Variants in ASAP1 observed in about 807,000 individuals in gnomAD.
ASAP1 encodes the protein arf-GAP with SH3 domain, ANK repeat and PH domain-containing protein 1.
Under a neutral mutation model 145.2 loss-of-function variants are expected in ASAP1, and 43 were observed. The observed-to-expected ratio is 0.30, with a 90% confidence interval of 0.23 to 0.38. The LOEUF (loss-of-function observed/expected upper bound fraction) is 0.38. Among genes scored for constraint, ASAP1 ranks in the 10% least tolerant of loss-of-function variants. The probability of loss-of-function intolerance (pLI) is 1.00; values close to 1 mark genes in which losing one functional copy is unlikely to be tolerated. For missense variants in ASAP1, 1,018 were observed against 1,355.3 expected (o/e 0.75, Z 3.91); for synonymous variants, 546 against 515.5 (o/e 1.06, Z -0.80).
chr8:130,391,006 T>C (rs2138481397), intron 2 of ASAP1, among the ~76,000 whole-genome samples: 1 of 148,748 alleles, frequency 6.7e-6, no homozygotes, highest in Middle Eastern at 3.5e-3. Context: ...GCATAATTCA[T>C]AACAACCAAA....
At chr8:130,259,980 A>C (rs1353455104) in intron 3 of ASAP1, among the ~76,000 whole-genome samples, 1 of 152,198 alleles carries the variant, frequency 6.6e-6, no homozygotes, top group Non-Finnish European at 1.5e-5. Flanking sequence ...TCTCTTCCAA[A>C]AACTTTAGGG....
intron 26 of ASAP1, 127 bp downstream of exon 26, chr8:130,079,775 T>C (rs1486423797): frequency 2.0e-5 from 18 of 883,130 alleles, no homozygotes; most frequent in Non-Finnish European, 5.5e-6. Flanking sequence ...TTTCTTGTTG[T>C]GGCCTGCCCC....
chr8:130,384,525 C>G (rs548507493), intron 2 of ASAP1, among the ~76,000 whole-genome samples: 1 of 152,302 alleles, frequency 6.6e-6, no homozygotes, highest in East Asian at 1.9e-4. Flanking sequence ...GTCTCCCAAG[C>G]TGGAGTGCAA....
At chr8:130,242,261 TAAAAAAAAAA>T (rs571916495) in intron 3 of ASAP1, among the ~76,000 whole-genome samples, 2 of 85,336 alleles carry the variant, frequency 2.3e-5, no homozygotes, top group African/African-American at 4.8e-5. Flanking sequence ...GTGATTTCCT[TAAAAAAAAAA>T]AAAAAAAAAA....
At chr8:130,383,613 C>T (rs1412983027) in intron 2 of ASAP1, among the ~76,000 whole-genome samples, 1 of 152,156 alleles carries the variant, frequency 6.6e-6, no homozygotes, top group East Asian at 1.9e-4. Flanking sequence ...AAACGAGGGT[C>T]ACAGGGATTC....
intron 3 of ASAP1, among the ~76,000 whole-genome samples, chr8:130,317,591 C>T (rs3057): frequency 0.58 from 88,938 of 152,092 alleles, 26,141 homozygotes; most frequent in South Asian, 0.7. Context: ...AAATCCATCA[C>T]TGATGCTTCC....
At chr8:130,269,942 G>A (rs1820491500) in intron 3 of ASAP1, among the ~76,000 whole-genome samples, 1 of 152,144 alleles carries the variant, frequency 6.6e-6, no homozygotes, top group South Asian at 2.1e-4. Flanking sequence ...GGCGAAGGCA[G>A]TTAGATCACC....
intron 13 of ASAP1, among the ~76,000 whole-genome samples, chr8:130,139,125 C>T (rs2097603029): frequency 1.3e-5 from 2 of 152,018 alleles, no homozygotes; most frequent in African/African-American, 2.4e-5. Context: ...TGCAGAAAAG[C>T]TTGGGGAGAT....
intron 3 of ASAP1, among the ~76,000 whole-genome samples, chr8:130,349,273 T>A (rs2138025611): frequency 6.6e-6 from 1 of 152,340 alleles, no homozygotes; most frequent in South Asian, 2.1e-4. Flanking sequence ...CCAGTCCGGG[T>A]CCCTGAAGTA....
intron 3 of ASAP1, among the ~76,000 whole-genome samples, chr8:130,292,887 G>C (rs897443477): frequency 6.6e-6 from 1 of 152,176 alleles, no homozygotes; most frequent in Non-Finnish European, 1.5e-5. Context: ...AGACTGTTCT[G>C]TGAACAGAGA....
chr8:130,228,246 T>C (rs1003113487), intron 4 of ASAP1, among the ~76,000 whole-genome samples: 22 of 152,072 alleles, frequency 1.4e-4, no homozygotes, highest in African/African-American at 5.1e-4. Flanking sequence ...CTCCTCACTG[T>C]ACAGGTGGCA....
At chr8:130,347,056 G>A (rs1825740338) in intron 3 of ASAP1, among the ~76,000 whole-genome samples, 1 of 152,158 alleles carries the variant, frequency 6.6e-6, no homozygotes. Context: ...CTTTAAGCAG[G>A]CTCTGTTATT....
At chr8:130,340,354 T>A (rs952213019) in intron 3 of ASAP1, among the ~76,000 whole-genome samples, 17 of 152,182 alleles carry the variant, frequency 1.1e-4, no homozygotes, top group African/African-American at 4.1e-4. Context: ...CAAACAAGGT[T>A]AGACCCTCAG....
chr8:130,423,580 A>G (rs1337996225), intron 1 of ASAP1, among the ~76,000 whole-genome samples: 1 of 152,236 alleles, frequency 6.6e-6, no homozygotes, highest in African/African-American at 2.4e-5. Flanking sequence ...TGATCTATCC[A>G]TGGCCAGCAA....
intron 29 of ASAP1, among the ~76,000 whole-genome samples, chr8:130,055,500 T>G (rs2097401906): frequency 6.6e-6 from 1 of 150,596 alleles, no homozygotes. Flanking sequence ...TTGTTCTGTC[T>G]CTTCTCTTTG....
chr8:130,330,991 A>G (rs1824650815), intron 3 of ASAP1, among the ~76,000 whole-genome samples: 1 of 152,158 alleles, frequency 6.6e-6, no homozygotes, highest in South Asian at 2.1e-4. Context: ...TTGGCATCAG[A>G]AAGACCTTAG....
At chr8:130,240,634 G>A (rs1029601528) in intron 3 of ASAP1, among the ~76,000 whole-genome samples, 5 of 152,180 alleles carry the variant, frequency 3.3e-5, no homozygotes, top group South Asian at 2.1e-4. Context: ...GTATGTATCC[G>A]CAGTTGGACA....
At chr8:130,370,325 A>G (rs538356224) in intron 2 of ASAP1, among the ~76,000 whole-genome samples, 2 of 152,098 alleles carry the variant, frequency 1.3e-5, no homozygotes, top group African/African-American at 4.8e-5. Context: ...AAACAAACAA[A>G]AAAAACAGAG....
intron 27 of ASAP1, among the ~76,000 whole-genome samples, chr8:130,066,693 G>T (rs929604606): frequency 6.6e-6 from 1 of 151,756 alleles, no homozygotes; most frequent in African/African-American, 2.4e-5. Context: ...CTACACTGCA[G>T]AACATGTTTT....
Sources: gnomAD v4.1 joint callset for allele counts (sites outside exome capture counted in the v4.1 genomes callset) on GRCh38, gnomAD v4.1.1 for gene constraint, MANE v1.5 for transcripts, NCBI Gene and HGNC (gene_info 2026-07-23, HGNC 2026-07-21) for gene names.